GPHN: variants seen among roughly 807,000 people sequenced by gnomAD.
GPHN encodes the protein gephyrin.
A neutral mutation model predicts 95.5 loss-of-function variants in GPHN; 17 were observed. That is an observed-to-expected ratio of 0.18 (90% CI 0.12 to 0.27). GPHN has a LOEUF of 0.27. Ranked by LOEUF, GPHN falls within the 10% of genes least tolerant of loss-of-function variation. GPHN has a pLI of 1.00. For missense variants in GPHN, 660 were observed against 978.1 expected, an observed-to-expected ratio of 0.67 and a Z score of 4.34; for synonymous variants, 320 against 322.5, an observed-to-expected ratio of 0.99 and a Z score of 0.08.
chr14:67,343,792 G>A, the GPHN span, among the ~76,000 whole-genome samples: 1 of 152,192 alleles, frequency 6.6e-6, no homozygotes, highest in African/African-American at 2.4e-5. Flanking sequence ...ATCGTTTGAG[G>A]CTGCAGTGAG....
intron 17 of GPHN, among the ~76,000 whole-genome samples, chr14:67,134,876 C>A (rs1020143830): frequency 1.5e-5 from 2 of 129,708 alleles, no homozygotes; most frequent in African/African-American, 5.8e-5. Context: ...TTTAATTTTT[C>A]TTTTCTTTCT....
intron 18 of GPHN, among the ~76,000 whole-genome samples, chr14:67,153,606 G>A (rs1236696995): frequency 5.3e-5 from 8 of 152,158 alleles, no homozygotes; most frequent in Admixed American, 5.2e-4. Flanking sequence ...TCAGTCCATT[G>A]CATTTACTCT....
chr14:66,689,706 C>T (rs984919873), intron 2 of GPHN, among the ~76,000 whole-genome samples: 1 of 152,092 alleles, frequency 6.6e-6, no homozygotes, highest in Non-Finnish European at 1.5e-5. Context: ...CAAATTTAGT[C>T]ACGTTAATTT....
At chr14:66,788,343 T>C (rs545472046) in intron 3 of GPHN, among the ~76,000 whole-genome samples, 79 of 152,324 alleles carry the variant, frequency 5.2e-4, no homozygotes, top group African/African-American at 1.7e-3. Context: ...ACAGTTAATC[T>C]ATGAATGACA....
At chr14:67,165,340 C>A in intron 20 of GPHN, 114 bp downstream of exon 20, 1 of 716,210 alleles carries the variant, frequency 1.4e-6, no homozygotes, top group South Asian at 1.5e-5. Flanking sequence ...CAAGTCTCAG[C>A]TTTTCTAAAC....
the GPHN span, among the ~76,000 whole-genome samples, chr14:67,595,062 A>G: frequency 4.0e-5 from 6 of 151,538 alleles, no homozygotes; most frequent in Non-Finnish European, 5.9e-5. Flanking sequence ...GCGTGAACCC[A>G]GGAGGTGGAG....
At chr14:66,869,123 A>G (rs2063336059) in intron 4 of GPHN, among the ~76,000 whole-genome samples, 1 of 152,220 alleles carries the variant, frequency 6.6e-6, no homozygotes, top group Non-Finnish European at 1.5e-5. Flanking sequence ...TCAAATTAAT[A>G]ATGTATAAGA....
chr14:66,653,884 C>T (rs550704740), intron 1 of GPHN, among the ~76,000 whole-genome samples: 50 of 152,158 alleles, frequency 3.3e-4, no homozygotes, highest in Non-Finnish European at 6.3e-4. Flanking sequence ...CTGTAACCCC[C>T]TATACAGGTT....
chr14:66,591,808 T>C (rs756852678), intron 1 of GPHN, among the ~76,000 whole-genome samples: 12 of 152,200 alleles, frequency 7.9e-5, no homozygotes, highest in Non-Finnish European at 1.0e-4. Context: ...AAAACTACTT[T>C]AAATTTCATA....
intron 5 of GPHN, among the ~76,000 whole-genome samples, chr14:66,897,918 C>A (rs926675933): frequency 1.7e-4 from 26 of 152,034 alleles, no homozygotes; most frequent in African/African-American, 6.3e-4. Flanking sequence ...CCACACCTTG[C>A]CAGTATTTGG....
At chr14:66,514,388 C>T (rs770935531) in intron 1 of GPHN, among the ~76,000 whole-genome samples, 1 of 151,990 alleles carries the variant, frequency 6.6e-6, no homozygotes, top group Non-Finnish European at 1.5e-5. Flanking sequence ...ACTATGTTCT[C>T]ATACTATTCT....
chr14:67,341,549 C>G, the GPHN span, among the ~76,000 whole-genome samples: 4 of 151,338 alleles, frequency 2.6e-5, no homozygotes, highest in Non-Finnish European at 4.4e-5. Context: ...GCCGCCCCGT[C>G]CGGGAGGGAG....
chr14:67,392,393 TC>T, the GPHN span: 1 of 1,613,924 alleles, frequency 6.2e-7, no homozygotes, highest in Non-Finnish European at 8.5e-7. Context: ...GCTAATTTCT[TC>T]CTTGGGGCTT....
intron 13 of GPHN, among the ~76,000 whole-genome samples, chr14:67,105,161 A>G (rs1160313653): frequency 1.3e-5 from 2 of 151,866 alleles, no homozygotes; most frequent in Admixed American, 6.6e-5. Flanking sequence ...TTCCTCTTGT[A>G]TTGATTTATA....
chr14:67,332,895 T>G, the GPHN span: 1 of 1,614,082 alleles, frequency 6.2e-7, no homozygotes, highest in South Asian at 1.1e-5. Flanking sequence ...CAGGAATTGC[T>G]TAGGTTAATT....
the GPHN span, among the ~76,000 whole-genome samples, chr14:67,368,395 A>G: frequency 6.6e-6 from 1 of 151,636 alleles, no homozygotes; most frequent in Non-Finnish European, 1.5e-5. Context: ...CCCTTTGCTG[A>G]CTCCTCCCCA....
At chr14:66,596,266 AG>A (rs1351919411) in intron 1 of GPHN, among the ~76,000 whole-genome samples, 1 of 152,042 alleles carries the variant, frequency 6.6e-6, no homozygotes, top group Non-Finnish European at 1.5e-5. Context: ...GCCCAGAAAA[AG>A]CACCAGAAGT....
chr14:67,455,615 T>C, the GPHN span, among the ~76,000 whole-genome samples: 4 of 152,358 alleles, frequency 2.6e-5, no homozygotes, highest in African/African-American at 9.6e-5. Flanking sequence ...GCTAGGAACA[T>C]GTGCATGTTA....
chr14:67,524,953 T>C, the GPHN span, among the ~76,000 whole-genome samples: 1 of 152,210 alleles, frequency 6.6e-6, no homozygotes. Context: ...TGGGTGGTTA[T>C]GGGTGCACAC....
Sources: gnomAD v4.1 joint callset for allele counts (sites outside exome capture counted in the v4.1 genomes callset) on GRCh38, gnomAD v4.1.1 for gene constraint, MANE v1.5 for transcripts, NCBI Gene and HGNC (gene_info 2026-07-23, HGNC 2026-07-21) for gene names.